CRB1: variants seen among roughly 807,000 people sequenced by gnomAD.
CRB1 encodes protein crumbs homolog 1.
In CRB1, 83 loss-of-function variants were observed where a neutral mutation model predicts 120.0. The ratio of observed to expected loss-of-function variants is 0.69; its 90% confidence interval spans 0.58 to 0.83. CRB1 has a LOEUF of 0.83. Ranked by LOEUF, CRB1 falls within the 40% of genes least tolerant of loss-of-function variation. CRB1 has a pLI of 0.00. For missense variants in CRB1, 1,699 were observed against 1,687.6 expected, an observed-to-expected ratio of 1.01 and a Z score of -0.12; for synonymous variants, 625 against 612.5, an observed-to-expected ratio of 1.02 and a Z score of -0.30.
the CRB1 span, among the ~76,000 whole-genome samples, chr1:197,253,443 A>G: frequency 3.3e-5 from 5 of 152,092 alleles, no homozygotes; most frequent in Non-Finnish European, 5.9e-5. Context: ...ATTATGTTAT[A>G]ATCCACTTTG....
chr1:197,210,503 C>G, the CRB1 span, among the ~76,000 whole-genome samples: 1 of 152,036 alleles, frequency 6.6e-6, no homozygotes, highest in African/African-American at 2.4e-5. Flanking sequence ...TCATCTCTTA[C>G]CAGGATTTCC....
chr1:197,355,754 C>T (rs972025038), intron 4 of CRB1, among the ~76,000 whole-genome samples: 1 of 152,152 alleles, frequency 6.6e-6, no homozygotes, highest in African/African-American at 2.4e-5. Flanking sequence ...CGTGCAGCCT[C>T]GGTTCCCACA....
the CRB1 span, among the ~76,000 whole-genome samples, chr1:197,256,812 A>T: frequency 2.0e-5 from 3 of 151,708 alleles, no homozygotes; most frequent in African/African-American, 7.2e-5. Context: ...AATAAAAAAA[A>T]AGAAAATTTC....
intron 2 of CRB1, among the ~76,000 whole-genome samples, chr1:197,335,003 G>A (rs1347277052): frequency 6.6e-6 from 1 of 152,194 alleles, no homozygotes; most frequent in Non-Finnish European, 1.5e-5. Context: ...ACTTTAGGTA[G>A]AATGATCAAG....
chr1:197,272,213 C>T (rs1654944887), intron 1 of CRB1, among the ~76,000 whole-genome samples: 2 of 152,106 alleles, frequency 1.3e-5, no homozygotes, highest in African/African-American at 2.4e-5. Flanking sequence ...AAACTTTGAT[C>T]GTTACTGTGC....
chr1:197,355,594 G>T (rs575061794), intron 4 of CRB1, among the ~76,000 whole-genome samples: 2 of 152,306 alleles, frequency 1.3e-5, no homozygotes, highest in African/African-American at 4.8e-5. Flanking sequence ...TGGTGTGCTG[G>T]CACTGCTGGG....
chr1:197,446,122 G>T (rs1421008688), intron 11 of CRB1, among the ~76,000 whole-genome samples: 1 of 151,732 alleles, frequency 6.6e-6, no homozygotes, highest in Non-Finnish European at 1.5e-5. Flanking sequence ...CCCGGGAGGT[G>T]GAGGTTGCAG....
the CRB1 span, among the ~76,000 whole-genome samples, chr1:197,203,530 G>A: frequency 2.0e-5 from 3 of 152,024 alleles, no homozygotes; most frequent in Non-Finnish European, 4.4e-5. Context: ...TCATTATGTT[G>A]GCCAGGCTGG....
At chr1:197,294,271 C>A (rs1656378758) in intron 1 of CRB1, among the ~76,000 whole-genome samples, 1 of 152,114 alleles carries the variant, frequency 6.6e-6, no homozygotes, top group Non-Finnish European at 1.5e-5. Context: ...ACAGACAGTT[C>A]TCAAAAGAAG....
At chr1:197,437,152 T>C (rs1205539908) in intron 9 of CRB1, among the ~76,000 whole-genome samples, 3 of 152,140 alleles carry the variant, frequency 2.0e-5, no homozygotes, top group African/African-American at 7.2e-5. Context: ...TTCCAGAACT[T>C]CGGCAAGAAC....
chr1:197,298,351 C>T (rs1656661364), intron 1 of CRB1, among the ~76,000 whole-genome samples: 2 of 151,974 alleles, frequency 1.3e-5, no homozygotes, highest in African/African-American at 4.8e-5. Context: ...GTCTATATCA[C>T]TGGTACAGGG....
chr1:197,276,400 C>G (rs1655209811), intron 1 of CRB1, among the ~76,000 whole-genome samples: 1 of 151,440 alleles, frequency 6.6e-6, no homozygotes, highest in Non-Finnish European at 1.5e-5. Flanking sequence ...ACTTATTTAT[C>G]CAATAAGTAT....
intron 11 of CRB1, among the ~76,000 whole-genome samples, chr1:197,456,692 G>T (rs1396396214): frequency 6.6e-6 from 1 of 152,122 alleles, no homozygotes; most frequent in African/African-American, 2.4e-5. Flanking sequence ...AATCCCAGAT[G>T]CAGTCAAGAT....
At chr1:197,316,614 AAG>A (rs1338304517) in intron 1 of CRB1, among the ~76,000 whole-genome samples, 1 of 152,242 alleles carries the variant, frequency 6.6e-6, no homozygotes, top group Non-Finnish European at 1.5e-5. Context: ...AAAATAAAAA[AAG>A]TAATTATTTT....
intron 5 of CRB1, among the ~76,000 whole-genome samples, chr1:197,395,957 C>T (rs1662748061): frequency 6.6e-6 from 1 of 152,106 alleles, no homozygotes; most frequent in Non-Finnish European, 1.5e-5. Flanking sequence ...TCATTCTTAC[C>T]ACTTCTATTC....
At chr1:197,442,378 A>G (rs758134294) in intron 11 of CRB1, 86 bp downstream of exon 11, 3 of 1,609,192 alleles carry the variant, frequency 1.9e-6, no homozygotes. Flanking sequence ...CGTATGAATG[A>G]CGAGCCAGTT....
At chr1:197,251,638 C>T in the CRB1 span, among the ~76,000 whole-genome samples, 1 of 151,954 alleles carries the variant, frequency 6.6e-6, no homozygotes, top group Non-Finnish European at 1.5e-5. Context: ...ATTGATCCTC[C>T]CTGGCTTCCT....
At chr1:197,227,947 A>C in the CRB1 span, among the ~76,000 whole-genome samples, 1 of 152,218 alleles carries the variant, frequency 6.6e-6, no homozygotes, top group East Asian at 1.9e-4. Flanking sequence ...GGAAGCTGCC[A>C]AGGTTTGGGG....
At chr1:197,429,649 A>T in intron 8 of CRB1, 35 bp downstream of exon 8, 1 of 1,606,774 alleles carries the variant, frequency 6.2e-7, no homozygotes, top group Middle Eastern at 1.7e-4. Context: ...CTCACCAGTT[A>T]AGTTGCGACA....
Sources: allele counts gnomAD v4.1 joint callset (sites outside exome capture counted in the v4.1 genomes callset), GRCh38; gene constraint gnomAD v4.1.1; transcripts MANE v1.5; gene names NCBI Gene and HGNC (gene_info 2026-07-23, HGNC 2026-07-21).